Variants in ADD2 observed in about 807,000 individuals in gnomAD.
ADD2 encodes beta-adducin.
In ADD2, 23 loss-of-function variants were observed where a neutral mutation model predicts 83.0. That is an observed-to-expected ratio of 0.28 (90% CI 0.20 to 0.39). The LOEUF (loss-of-function observed/expected upper bound fraction) is 0.39. Among genes scored for constraint, ADD2 ranks in the 10% least tolerant of loss-of-function variants. The pLI is 1.00. For synonymous variants in ADD2, 375 were observed against 375.4 expected, an observed-to-expected ratio of 1.00 and a Z score of 0.01; for missense variants, 758 against 944.9, an observed-to-expected ratio of 0.80 and a Z score of 2.59.
intron 9 of ADD2, chr2:70,687,206 G>C (rs71414834): frequency 6.6e-6 from 1 of 152,480 alleles, no homozygotes; most frequent in Non-Finnish European, 1.5e-5. Flanking sequence ...ACACAGCCCA[G>C]AGTGGGGAGG....
Position 70,676,354 on chromosome 2 carries a change from G to A in ADD2, c.1593+442C>T. On this transcript the variant is annotated intron_variant, in intron 13 of 15. Coordinates refer to ENST00000264436, the MANE Select transcript of ADD2 (RefSeq NM_001617.4). The surrounding 1 kb of genome is among the most constrained non-coding windows in gnomAD (Gnocchi z 4.8). The stretch of plus-strand genomic sequence containing the variant: ...CCTGTCTATATACCCCTTCTCTATG[G>A]GTACATGATCATCTTTCCAGAGCTC... The A allele has an allele frequency of 5.6e-6, 6 of 1,062,262 alleles. No homozygotes were observed. The highest frequency in any genetic ancestry group is 5.7e-6 in the Non-Finnish European group (5 of 879,142). 65.8% of individuals were successfully genotyped at this position (1,062,262 alleles called of 1,614,324 possible). A position where few individuals can be genotyped will look rare whatever the true frequency, so the allele number is the denominator to read the frequency against.
chr2:70,673,816 C>T (rs11903686), intron 14 of ADD2, among the ~76,000 whole-genome samples: 1,552 of 152,220 alleles, frequency 0.01, 19 homozygotes, highest in African/African-American at 0.035. Flanking sequence ...AGACTGGTCT[C>T]GAACTGCTGA....
intron 4 of ADD2, among the ~76,000 whole-genome samples, chr2:70,697,035 T>C (rs1553372842): frequency 6.6e-6 from 1 of 152,158 alleles, no homozygotes; most frequent in Non-Finnish European, 1.5e-5. Context: ...GGCACGCGCC[T>C]GTAATACCAG....
rs1671306453 is a variant in ADD2, at chr2:70,696,252, T to C, written c.467A>G (p.Tyr156Cys). ...CCAGGGCGTTCTGCTCACCGTGACATAGGTGTCACTCAGCTGGGCCCAGCC... is the reference window on the plus strand; with the variant it reads ...CCAGGGCGTTCTGCTCACCGTGACACAGGTGTCACTCAGCTGGGCCCAGCC... ...LYGWAQLSDT[Y>C]VTLRVSKEQD... The change falls in exon 5 of 16, where the codon TAT (tyrosine) becomes TGT (cysteine). Residue 156 changes from tyrosine (Y) to cysteine (C), a missense_variant. This residue lies in a region of ADD2 where 10 missense variants were observed against 31.1 expected (regional missense o/e 0.32). Transcript: ENST00000264436. The C allele has an allele frequency of 6.2e-7, 1 of 1,612,430 alleles. No individual in the cohort carries two copies. The highest frequency in any genetic ancestry group is 1.3e-5 in the African/African-American group (1 of 74,862).
chr2:70,663,168 T>C lies in ADD2; in HGVS notation c.*257A>G. ...CAGTGTTGTGTAGTAGAAGGAGCAC[T>C]GGACTGGAAGTCAGGAGACCTGAAT... On this transcript the variant is annotated 3_prime_UTR_variant, in exon 16 of 16. Transcript: ENST00000264436. The C allele has an allele frequency of 2.1e-6, 1 of 473,840 alleles. No homozygotes were observed. Among genetic ancestry groups the C allele is most frequent in the East Asian group, 3.8e-5 (1 of 26,058 alleles). 29.4% of individuals were successfully genotyped at this position (473,840 alleles called of 1,614,324 possible).
intron 15 of ADD2, among the ~76,000 whole-genome samples, chr2:70,670,986 G>A (rs1553366956): frequency 6.6e-6 from 1 of 152,212 alleles, no homozygotes; most frequent in Non-Finnish European, 1.5e-5. Flanking sequence ...ATGTCAGGCA[G>A]TGGGTAAACA....
At chr2:70,740,146 T>C (rs1673809964) in intron 1 of ADD2, among the ~76,000 whole-genome samples, 1 of 152,088 alleles carries the variant, frequency 6.6e-6, no homozygotes, top group Non-Finnish European at 1.5e-5. Flanking sequence ...GGTTAAAAGC[T>C]CTAAGTGATT....
chr2:70,679,523 A>G (rs75482313), intron 10 of ADD2, among the ~76,000 whole-genome samples: 2 of 152,328 alleles, frequency 1.3e-5, no homozygotes, highest in East Asian at 3.9e-4. Context: ...GCAAGGCCAC[A>G]TCCCCTCAAA....
intron 9 of ADD2, among the ~76,000 whole-genome samples, chr2:70,686,571 T>C (rs572585131): frequency 1.3e-5 from 2 of 152,286 alleles, no homozygotes; most frequent in Non-Finnish European, 2.9e-5. Context: ...GCAGAGATGA[T>C]GTTTTTACAG....
intron 7 of ADD2, chr2:70,691,899 A>T (rs1459382860): frequency 6.6e-6 from 1 of 152,368 alleles, no homozygotes; most frequent in South Asian, 2.1e-4. Context: ...TTTCCAAGTG[A>T]CATCGCAGTG....
At chr2:70,668,198 A>C (rs1669737243) in intron 15 of ADD2, among the ~76,000 whole-genome samples, 1 of 152,110 alleles carries the variant, frequency 6.6e-6, no homozygotes, top group Non-Finnish European at 1.5e-5. Flanking sequence ...CACATGAGGC[A>C]ATTCCCCTAG....
At chr2:70,765,697 G>C (rs1675346898) in intron 1 of ADD2, among the ~76,000 whole-genome samples, 1 of 152,108 alleles carries the variant, frequency 6.6e-6, no homozygotes, top group South Asian at 2.1e-4. Context: ...TTTCTTTTTT[G>C]CTTATGCTGC....
Position 70,676,167 on chromosome 2 carries a change from G to A in ADD2, c.1593+629C>T, listed in dbSNP as rs1186526734. 103 of 985,480 alleles carry A rather than the reference G, an allele frequency of 1.0e-4. No individual in the cohort carries two copies. The highest frequency in any genetic ancestry group is 1.2e-4 in the Non-Finnish European group (99 of 830,046). 61.0% of individuals were successfully genotyped at this position (985,480 alleles called of 1,614,324 possible). On this transcript the variant is annotated intron_variant, in intron 13 of 15. Coordinates refer to ENST00000264436, the MANE Select transcript of ADD2 (RefSeq NM_001617.4). The surrounding 1 kb of genome is among the most constrained non-coding windows in gnomAD (Gnocchi z 4.8). ...CATTGCTACCTTGCAAGGAGCAGCA[G>A]TGATTTCAAACACATGCCAGAATTC... is the stretch of plus-strand genomic sequence containing the variant.
At chr2:70,707,388 C>A (rs920042835) in intron 2 of ADD2, among the ~76,000 whole-genome samples, 1 of 152,248 alleles carries the variant, frequency 6.6e-6, no homozygotes, top group East Asian at 1.9e-4. Flanking sequence ...GAGCAAGGAC[C>A]ACGACAGCCT....
In ADD2 at chr2:70,718,005, C is replaced by G. The variant is rs527419249; in HGVS notation, c.-153-4821G>C. Among the ~76,000 whole-genome samples, 5 of 152,290 alleles carry G rather than the reference C, an allele frequency of 3.3e-5. No homozygotes were observed. The South Asian group carries it at 8.3e-4, about 25-fold the overall frequency. ...TAAAGTCTATGTCCATCTCCAGACA[C>G]CCCCTTAGTTGGAAGAATCCTTTAA... On this transcript the variant is annotated intron_variant, in intron 1 of 15. Coordinates refer to ENST00000264436, the MANE Select transcript of ADD2 (RefSeq NM_001617.4).
Position 70,683,916 on chromosome 2 carries a change from C to T in ADD2, c.949-149G>A, listed in dbSNP as rs1396723292. On this transcript the variant is annotated intron_variant, in intron 9 of 15. Coordinates refer to ENST00000264436, the MANE Select transcript of ADD2 (RefSeq NM_001617.4). Reference sequence around the variant, plus strand: ...GAGCCACCCATACTTGATGGGCATGCCCCCATTTCCAAGAAAAGAGCTATT... The same window carrying T: ...GAGCCACCCATACTTGATGGGCATGTCCCCATTTCCAAGAAAAGAGCTATT... 18 of 759,518 alleles carry T rather than the reference C, an allele frequency of 2.4e-5. No individual in the cohort carries two copies. In the East Asian group the frequency reaches 5.1e-4, roughly 21 times the overall value. The allele number at this position is 759,518 out of a possible 1,614,324, so 47.0% of individuals were successfully genotyped here.
At chr2:70,731,604 A>G (rs529215672) in intron 1 of ADD2, among the ~76,000 whole-genome samples, 1 of 152,342 alleles carries the variant, frequency 6.6e-6, no homozygotes, top group African/African-American at 2.4e-5. Context: ...GGTTCGGTGC[A>G]TGTACACACC....
chr2:70,696,808 A>G (rs1358554980), intron 4 of ADD2, among the ~76,000 whole-genome samples: 1 of 152,204 alleles, frequency 6.6e-6, no homozygotes, highest in African/African-American at 2.4e-5. Flanking sequence ...CAGCTATTAC[A>G]TTGTTTTAAC....
At position 70,661,360 on chromosome 2, in the gene ADD2, T is replaced by A. The variant is rs1352131978; in HGVS notation, c.*2065A>T. On this transcript the variant is annotated 3_prime_UTR_variant, in exon 16 of 16. Transcript: ENST00000264436. ...TAAATGAATAAGTGTGAAATCTACT[T>A]TTTAAAAGAAGGCATCAAGGGATTG... is the stretch of plus-strand genomic sequence containing the variant. 7 of 152,210 alleles carry A rather than the reference T, an allele frequency of 4.6e-5. No homozygotes were observed. The highest frequency in any genetic ancestry group is 1.7e-4 in the African/African-American group (7 of 41,450). 9.4% of individuals were successfully genotyped at this position (152,210 alleles called of 1,614,324 possible). A position where few individuals can be genotyped will look rare whatever the true frequency, so the allele number is the denominator to read the frequency against.
Sources: allele counts gnomAD v4.1 joint callset (sites outside exome capture counted in the v4.1 genomes callset), GRCh38; gene constraint gnomAD v4.1.1; regional missense constraint gnomAD v4.1.1; non-coding constraint Gnocchi (gnomAD v3.1); transcripts MANE v1.5; gene names NCBI Gene and HGNC (gene_info 2026-07-23, HGNC 2026-07-21).